The following CFAP221 variants were observed in gnomAD, a reference collection of about 807,000 sequenced individuals.
CFAP221 encodes cilia- and flagella-associated protein 221.
In CFAP221, 97 loss-of-function variants were observed where a neutral mutation model predicts 113.1. The observed-to-expected ratio is 0.86, with a 90% confidence interval of 0.73 to 1.02. The LOEUF is 1.02. Ranked by LOEUF, CFAP221 falls within the 50% of genes least tolerant of loss-of-function variation. The pLI is 0.00. For synonymous variants in CFAP221, 331 were observed against 354.4 expected, an observed-to-expected ratio of 0.93 and a Z score of 0.74; for missense variants, 1,025 against 1,013.4, an observed-to-expected ratio of 1.01 and a Z score of -0.16.
At position 119,648,933 on chromosome 2, in the gene CFAP221, C is replaced by T. The variant is rs148494770; in HGVS notation, c.2318+1883C>T. ...GGCTGTGATCACTGTTCAGGCAAAG[C>T]GCCCAGCCCTGTGCCTGCCTGATCA... On this transcript the variant is annotated intron_variant, in intron 22 of 23. Coordinates refer to ENST00000413369, the MANE Select transcript of CFAP221 (RefSeq NM_001271049.2). Among the ~76,000 whole-genome samples the T allele has an allele frequency of 5.2e-3, 799 of 152,342 alleles. 5 individuals carry two copies. Among genetic ancestry groups the T allele is most frequent in the African/African-American group, 0.018 (742 of 41,570 alleles).
chr2:119,617,867 C>T (rs1685633704), intron 14 of CFAP221, among the ~76,000 whole-genome samples: 1 of 152,230 alleles, frequency 6.6e-6, no homozygotes, highest in Non-Finnish European at 1.5e-5. Context: ...TCGGATTTCT[C>T]TGTCCTTTAA....
intron 7 of CFAP221, among the ~76,000 whole-genome samples, chr2:119,597,023 C>T (rs531739758): frequency 6.6e-6 from 1 of 152,180 alleles, no homozygotes; most frequent in Non-Finnish European, 1.5e-5. Context: ...TCAAGCGGGT[C>T]AAGTGTAAGT....
intron 14 of CFAP221, among the ~76,000 whole-genome samples, chr2:119,624,072 G>A (rs1419779757): frequency 6.6e-6 from 1 of 152,192 alleles, no homozygotes; most frequent in Admixed American, 6.5e-5. Flanking sequence ...TATCATCAGA[G>A]TGAACAGGCA....
At chr2:119,595,587 A>G (rs541522980) in intron 7 of CFAP221, among the ~76,000 whole-genome samples, 5 of 152,060 alleles carry the variant, frequency 3.3e-5, no homozygotes, top group Non-Finnish European at 5.9e-5. Flanking sequence ...CATTCATTCC[A>G]TAAGTAACTA....
intron 21 of CFAP221, among the ~76,000 whole-genome samples, chr2:119,640,932 A>G (rs1687448920): frequency 1.3e-5 from 2 of 152,316 alleles, no homozygotes; most frequent in South Asian, 4.1e-4. Flanking sequence ...GACTTGTTGC[A>G]AAGGCCATTC....
downstream of CFAP221, among the ~76,000 whole-genome samples, chr2:119,658,138 C>G (rs1688495798): frequency 6.6e-6 from 1 of 152,196 alleles, no homozygotes; most frequent in Admixed American, 6.5e-5. Flanking sequence ...CTGCCACAAC[C>G]ATTACCATGA....
chr2:119,566,337 A>G (rs1681624007), intron 6 of CFAP221, among the ~76,000 whole-genome samples: 1 of 152,190 alleles, frequency 6.6e-6, no homozygotes, highest in East Asian at 1.9e-4. Context: ...TGCCAGTGAT[A>G]AAAATACTCC....
intron 21 of CFAP221, among the ~76,000 whole-genome samples, chr2:119,640,360 C>T (rs1171742190): frequency 6.6e-6 from 1 of 152,156 alleles, no homozygotes; most frequent in Non-Finnish European, 1.5e-5. Context: ...AGAAAACAGC[C>T]CTGCTCCAGA....
downstream of CFAP221, among the ~76,000 whole-genome samples, chr2:119,658,076 C>T (rs79032201): frequency 4.8e-3 from 727 of 152,226 alleles, 7 homozygotes; most frequent in African/African-American, 0.017. Flanking sequence ...TCTGTATCTA[C>T]GTATCTTTAT....
At chr2:119,626,567 T>G (rs1558974707) in intron 15 of CFAP221, among the ~76,000 whole-genome samples, 1 of 152,198 alleles carries the variant, frequency 6.6e-6, no homozygotes, top group South Asian at 2.1e-4. Context: ...CTGAATTTGG[T>G]ATTTTCTCAA....
In CFAP221 at chr2:119,597,700, A is replaced by G. The variant is rs564540262; in HGVS notation, c.632-3518A>G. On this transcript the variant is annotated intron_variant, in intron 7 of 23. Coordinates refer to ENST00000413369, the MANE Select transcript of CFAP221 (RefSeq NM_001271049.2). ...CTCCACAGGGTGGGAGCCGGTGAGC[A>G]TAGGGCCTCAAGAGCTCTGTTATAG... is the stretch of plus-strand genomic sequence containing the variant. Among the ~76,000 whole-genome samples the G allele has an allele frequency of 4.6e-5, 7 of 152,320 alleles. No individual in the cohort carries two copies. The East Asian group carries it at 1.4e-3, about 29-fold the overall frequency.
At chr2:119,617,245 A>G (rs1350675352) in intron 14 of CFAP221, among the ~76,000 whole-genome samples, 1 of 152,142 alleles carries the variant, frequency 6.6e-6, no homozygotes. Flanking sequence ...GGACCTACTC[A>G]CCAGCTTCCA....
At chr2:119,563,054 T>C (rs975095222) in intron 6 of CFAP221, among the ~76,000 whole-genome samples, 8 of 152,198 alleles carry the variant, frequency 5.3e-5, no homozygotes, top group Non-Finnish European at 1.0e-4. Context: ...CTTGGTAGGC[T>C]GAGGCAGGAG....
At chr2:119,554,878 C>T (rs569697025) in intron 3 of CFAP221, among the ~76,000 whole-genome samples, 1 of 152,312 alleles carries the variant, frequency 6.6e-6, no homozygotes, top group Non-Finnish European at 1.5e-5. Flanking sequence ...AAGTATGAAC[C>T]TTCTTTGAGA....
At chr2:119,548,474 G>T (rs765012099) in intron 2 of CFAP221, among the ~76,000 whole-genome samples, 1 of 152,136 alleles carries the variant, frequency 6.6e-6, no homozygotes, top group African/African-American at 2.4e-5. Context: ...ATAAAGAGCT[G>T]GGAAAATTTT....
chr2:119,568,902 T>A (rs1681840165), intron 6 of CFAP221, among the ~76,000 whole-genome samples: 1 of 152,230 alleles, frequency 6.6e-6, no homozygotes, highest in South Asian at 2.1e-4. Flanking sequence ...GGCAACAAAT[T>A]CCCTTGGTCA....
intron 19 of CFAP221, among the ~76,000 whole-genome samples, chr2:119,636,426 A>AT (rs1407405259): frequency 1.3e-5 from 2 of 152,230 alleles, no homozygotes; most frequent in African/African-American, 4.8e-5. Context: ...TGTACAAGAA[A>AT]TAGGGGTATG....
chr2:119,600,186 C>T (rs1334846185), intron 7 of CFAP221, among the ~76,000 whole-genome samples: 2 of 152,182 alleles, frequency 1.3e-5, no homozygotes, highest in Admixed American at 6.5e-5. Context: ...CATTGATCCT[C>T]CCTTTCTTCG....
At chr2:119,631,828 C>T (rs1044889718) in intron 19 of CFAP221, among the ~76,000 whole-genome samples, 2 of 152,148 alleles carry the variant, frequency 1.3e-5, no homozygotes, top group East Asian at 1.9e-4. Context: ...AGGAAGATGA[C>T]ATCACTACAT....
Sources: gnomAD v4.1 joint callset for allele counts (sites outside exome capture counted in the v4.1 genomes callset) on GRCh38, gnomAD v4.1.1 for gene constraint, MANE v1.5 for transcripts, NCBI Gene and HGNC (gene_info 2026-07-23, HGNC 2026-07-21) for gene names.